ZIC4: variants seen among roughly 807,000 people sequenced by gnomAD.
ZIC4 encodes the protein zinc finger protein ZIC 4.
Under a neutral mutation model 28.8 loss-of-function variants are expected in ZIC4, and 15 were observed. The observed-to-expected ratio is 0.52, with a 90% CI of 0.35 to 0.80. The LOEUF (loss-of-function observed/expected upper bound fraction) is 0.80. Among genes scored for constraint, ZIC4 ranks in the 30% least tolerant of loss-of-function variants. The probability of loss-of-function intolerance (pLI) is 0.01; values close to 1 mark genes in which losing one functional copy is unlikely to be tolerated. For synonymous variants in ZIC4, 220 were observed against 198.1 expected (o/e 1.11, Z -0.93); for missense variants, 512 against 467.1 (o/e 1.10, Z -0.89).
intron 4 of ZIC4, among the ~76,000 whole-genome samples, chr3:147,389,728 G>A (rs2086870894): frequency 6.6e-6 from 1 of 152,104 alleles, no homozygotes; most frequent in Non-Finnish European, 1.5e-5. Flanking sequence ...GACCCACTGG[G>A]TGTTTGCCTT....
chr3:147,404,646 G>T (rs1327668314), intron 1 of ZIC4, among the ~76,000 whole-genome samples: 1 of 152,206 alleles, frequency 6.6e-6, no homozygotes, highest in Non-Finnish European at 1.5e-5. Context: ...ACATCCTGGA[G>T]ACTTTTTGGA....
intron 3 of ZIC4, chr3:147,393,332 C>A (rs930175528): frequency 6.5e-6 from 1 of 152,994 alleles, no homozygotes; most frequent in African/African-American, 2.4e-5. Flanking sequence ...CCAGCTTGCT[C>A]CGGAGCTGCA....
In ZIC4 at chr3:147,406,344, C is replaced by A. The variant is rs949402532; in HGVS notation, c.-16+19G>T. ...AGGTACAGTTCTCATCTGTCTGCCC[C>A]CTGGACTCACGCACTTACCCCACTC... On this transcript the variant is annotated intron_variant, in intron 1 of 4. Transcript: ENST00000383075. 2 of 152,396 alleles carry A rather than the reference C, an allele frequency of 1.3e-5. No homozygotes were observed. The highest frequency in any genetic ancestry group is 4.8e-5 in the African/African-American group (2 of 41,424). The allele number at this position is 152,396 out of a possible 1,614,324, so 9.4% of individuals were successfully genotyped here.
At chr3:147,395,527 C>T (rs1442579111) in intron 3 of ZIC4, among the ~76,000 whole-genome samples, 1 of 152,140 alleles carries the variant, frequency 6.6e-6, no homozygotes, top group East Asian at 1.9e-4. Flanking sequence ...TATGTCTTTA[C>T]GACTTTGGGG....
chr3:147,405,731 C>T (rs2087264562), intron 1 of ZIC4: 1 of 542,754 alleles, frequency 1.8e-6, no homozygotes, highest in South Asian at 2.0e-5. Flanking sequence ...TGAGGCAGGA[C>T]CAGGGTGAGG....
chr3:147,398,959 C>T (rs1400178801), intron 2 of ZIC4, among the ~76,000 whole-genome samples: 1 of 152,036 alleles, frequency 6.6e-6, no homozygotes, highest in Non-Finnish European at 1.5e-5. Flanking sequence ...TGCATTGTTC[C>T]TCCCTTGGGT....
chr3:147,393,896 T>G, intron 3 of ZIC4: 1 of 456,672 alleles, frequency 2.2e-6, no homozygotes, highest in South Asian at 1.5e-5. Context: ...ACAAAGTGAA[T>G]CCTTTCGGTG....
rs373505498 is a variant in ZIC4, at chr3:147,388,743, A to G, written c.*116T>C. The G allele has an allele frequency of 7.4e-5, 53 of 717,164 alleles. No individual in the cohort carries two copies. The highest frequency in any genetic ancestry group is 5.7e-4 in the South Asian group (37 of 64,916). 44.4% of individuals were successfully genotyped at this position (717,164 alleles called of 1,614,324 possible). Reference sequence around the variant, plus strand: ...ATAGAAATCCTAACTTACCATGAAGATGCACCGTGGCGAAGAAACACTGCT... The same window carrying G: ...ATAGAAATCCTAACTTACCATGAAGGTGCACCGTGGCGAAGAAACACTGCT... On this transcript the variant is annotated 3_prime_UTR_variant, in exon 5 of 5. Transcript: ENST00000383075.
intron 3 of ZIC4, 71 bp from the exon 4 acceptor site, chr3:147,391,317 C>T (rs2086913376): frequency 6.9e-7 from 1 of 1,457,168 alleles, no homozygotes; most frequent in East Asian, 2.4e-5. Flanking sequence ...CACCCTCCCC[C>T]ATTCGTCTCT....
In ZIC4 at chr3:147,402,767, T is replaced by C; in HGVS notation, c.31A>G (p.Lys11Glu). The C allele has an allele frequency of 6.2e-7, 1 of 1,613,996 alleles. No homozygotes were observed. Among genetic ancestry groups the C allele is most frequent in the Admixed American group, 1.7e-5 (1 of 60,012 alleles). Residue 11 changes from lysine to glutamate, a missense_variant, in exon 2 of 5, where the codon AAA becomes GAA. By Grantham distance (56) the Lys-to-Glu change is moderately conservative. Transcript: ENST00000383075. Reference sequence around the variant, plus strand: ...GTGTTTCGGTAAAGCCGTAATCGTTTCCTCATCACCAAGGATGTCTTGTAT... The same window carrying C: ...GTGTTTCGGTAAAGCCGTAATCGTTCCCTCATCACCAAGGATGTCTTGTAT... MRYKTSLVMR[K>E]RLRLYRNTLK...
At chr3:147,404,941 T>A (rs1347336586) in intron 1 of ZIC4, among the ~76,000 whole-genome samples, 1 of 152,172 alleles carries the variant, frequency 6.6e-6, no homozygotes, top group Admixed American at 6.5e-5. Context: ...CCGCTGCAAC[T>A]TGTCCCTGGC....
chr3:147,397,881 G>A (rs573857068), intron 2 of ZIC4, among the ~76,000 whole-genome samples: 15 of 151,766 alleles, frequency 9.9e-5, no homozygotes, highest in African/African-American at 3.6e-4. Flanking sequence ...ACCTCACTTC[G>A]TCTTCCTTTC....
intron 1 of ZIC4, chr3:147,405,547 T>G: frequency 1.4e-6 from 2 of 1,453,574 alleles, no homozygotes; most frequent in Non-Finnish European, 9.3e-7. Context: ...CCCTCCTCAT[T>G]GGCCCCTAAT....
At chr3:147,395,374 C>T (rs1402827129) in intron 3 of ZIC4, among the ~76,000 whole-genome samples, 1 of 152,216 alleles carries the variant, frequency 6.6e-6, no homozygotes. Flanking sequence ...ACAAAGTTAG[C>T]CCATTCGACC....
At chr3:147,405,238 G>A (rs769515643) in intron 1 of ZIC4, 126 of 786,964 alleles carry the variant, frequency 1.6e-4, no homozygotes, top group Non-Finnish European at 1.7e-4. Flanking sequence ...AGTAGATCAG[G>A]CTGGGCATTT....
In ZIC4 at chr3:147,388,012, G is replaced by A. The variant is rs888618244; in HGVS notation, c.*847C>T. On this transcript the variant is annotated 3_prime_UTR_variant, in exon 5 of 5. Coordinates refer to ENST00000383075, the MANE Select transcript of ZIC4 (RefSeq NM_032153.6). ...TGGAGCCTCTTTGGGGTGCAGTCAA[G>A]ATGCACAGAGTCCTTGTGCTCCTCC... The A allele has an allele frequency of 6.6e-6, 1 of 152,532 alleles. No homozygotes were observed. The highest frequency in any genetic ancestry group is 2.4e-5 in the African/African-American group (1 of 41,428). The allele number at this position is 152,532 out of a possible 1,614,324, so 9.4% of individuals were successfully genotyped here.
intron 1 of ZIC4, chr3:147,404,112 G>A (rs1339495205): frequency 3.0e-5 from 46 of 1,535,346 alleles, no homozygotes; most frequent in East Asian, 4.9e-5. Flanking sequence ...GGGCGTCCTC[G>A]CTCTGAAATT....
At chr3:147,405,369 T>C in intron 1 of ZIC4, 2 of 1,535,184 alleles carry the variant, frequency 1.3e-6, no homozygotes, top group Non-Finnish European at 1.7e-6. Flanking sequence ...GGGGAAAACA[T>C]GACCTTGGAA....
At position 147,396,612 on chromosome 3, in the gene ZIC4, G is replaced by A. The variant is rs2087050299; in HGVS notation, c.71-143C>T. On this transcript the variant is annotated intron_variant, in intron 2 of 4. Coordinates refer to ENST00000383075, the MANE Select transcript of ZIC4 (RefSeq NM_032153.6). This position sits in a 1 kb window ranked among gnomAD's most constrained non-coding sequence, Gnocchi z 4.2. ...AACTCAGAGCCAGACAGCGCCAGCA[G>A]TGAACCCGGTGGACAGAGCAAGGCC... 9.0e-7 allele frequency: 1 copy of A among 1,110,694 alleles called. No individual in the cohort carries two copies. The highest frequency in any genetic ancestry group is 1.6e-5 in the African/African-American group (1 of 63,066). 68.8% of individuals were successfully genotyped at this position (1,110,694 alleles called of 1,614,324 possible).
Sources: gnomAD v4.1 joint callset for allele counts (sites outside exome capture counted in the v4.1 genomes callset) on GRCh38, gnomAD v4.1.1 for gene constraint, Gnocchi (gnomAD v3.1) non-coding constraint, MANE v1.5 for transcripts, NCBI Gene and HGNC (gene_info 2026-07-23, HGNC 2026-07-21) for gene names.